Variants in NSMAF observed in about 807,000 individuals in gnomAD.
NSMAF encodes neutral sphingomyelinase activation associated factor, also known as protein FAN.
Under a neutral mutation model 134.9 loss-of-function variants are expected in NSMAF, and 90 were observed. The ratio of observed to expected loss-of-function variants is 0.67; its 90% confidence interval spans 0.56 to 0.79. NSMAF has a LOEUF of 0.79. Ranked by LOEUF, NSMAF falls within the 30% of genes least tolerant of loss-of-function variation. The pLI is 0.00. For synonymous variants in NSMAF, 358 were observed against 389.6 expected (o/e 0.92, Z 0.96); for missense variants, 1,010 against 1,119.0 (o/e 0.90, Z 1.39).
chr8:58,586,019 C>G lies in NSMAF; in HGVS notation c.2447-19G>C. On this transcript the variant is annotated intron_variant, in intron 28 of 30. Coordinates refer to ENST00000038176, the MANE Select transcript of NSMAF (RefSeq NM_003580.4). ...CGACTATCTGCAACACAAGGTGAGACTCAGATATGAGTGACAGCTTCAGAA... is the reference window on the plus strand; with the variant it reads ...CGACTATCTGCAACACAAGGTGAGAGTCAGATATGAGTGACAGCTTCAGAA... 6.4e-7 allele frequency: 1 copy of G among 1,568,998 alleles called. No individual in the cohort carries two copies. The highest frequency in any genetic ancestry group is 8.8e-7 in the Non-Finnish European group (1 of 1,139,288).
intron 2 of NSMAF, among the ~76,000 whole-genome samples, chr8:58,639,355 C>A (rs180833723): frequency 6.3e-4 from 96 of 151,850 alleles, no homozygotes; most frequent in Middle Eastern, 3.4e-3. Flanking sequence ...ATGAAAAGAT[C>A]CTCAGCAGCC....
chr8:58,587,218 C>A (rs1001012308), intron 27 of NSMAF, among the ~76,000 whole-genome samples: 1 of 152,200 alleles, frequency 6.6e-6, no homozygotes, highest in Non-Finnish European at 1.5e-5. Flanking sequence ...TGGTCACTGT[C>A]CCCCACTGTT....
chr8:58,641,257 A>G (rs1443165883), intron 2 of NSMAF, among the ~76,000 whole-genome samples: 1 of 152,208 alleles, frequency 6.6e-6, no homozygotes, highest in Admixed American at 6.5e-5. Flanking sequence ...TATATTAAAA[A>G]TCTACAAAAG....
intron 2 of NSMAF, among the ~76,000 whole-genome samples, chr8:58,636,871 C>A (rs1807184630): frequency 1.3e-5 from 2 of 152,148 alleles, no homozygotes; most frequent in African/African-American, 4.8e-5. Context: ...AAAAGAACAA[C>A]TTTACTTATC....
At chr8:58,589,830 T>C (rs768377473) in intron 25 of NSMAF, 177 bp downstream of exon 25, 14 of 592,566 alleles carry the variant, frequency 2.4e-5, no homozygotes, top group Non-Finnish European at 3.6e-5. Context: ...GGAGAAATTA[T>C]TCAATCTAAG....
At chr8:58,585,317 G>GTTTTTTTTTTTTTTTT (rs571525208) in intron 30 of NSMAF, among the ~76,000 whole-genome samples, 1 of 144,324 alleles carries the variant, frequency 6.9e-6, no homozygotes, top group Admixed American at 6.9e-5. Context: ...TTGTTTCTGG[G>GTTTTTTTTTTTTTTTT]TTTTTTTTTT....
chr8:58,593,210 G>A (rs1347354084), intron 23 of NSMAF, among the ~76,000 whole-genome samples: 2 of 152,214 alleles, frequency 1.3e-5, no homozygotes, highest in Admixed American at 6.5e-5. Flanking sequence ...AAGTGCCTCG[G>A]TGACCCTGGC....
chr8:58,627,324 T>C lies in NSMAF; in HGVS notation c.385-3544A>G, dbSNP rs150120245. Among the ~76,000 whole-genome samples, 529 of 152,260 alleles carry C rather than the reference T, an allele frequency of 3.5e-3. 2 individuals are homozygous for C. The highest frequency in any genetic ancestry group is 6.1e-3 in the Non-Finnish European group (415 of 68,014). On this transcript the variant is annotated intron_variant, in intron 6 of 30. Coordinates refer to ENST00000038176, the MANE Select transcript of NSMAF (RefSeq NM_003580.4). ...TGGAACAAGACAAGGTTACCCACTT[T>C]CACCACTTCTATTCAACATAGTAAT...
intron 13 of NSMAF, among the ~76,000 whole-genome samples, chr8:58,602,714 T>A (rs1007548046): frequency 6.6e-6 from 1 of 152,190 alleles, no homozygotes; most frequent in African/African-American, 2.4e-5. Flanking sequence ...CTTAAAATAA[T>A]CTGTGGTAGC....
chr8:58,605,027 G>A (rs1490658122), intron 12 of NSMAF, among the ~76,000 whole-genome samples: 2 of 152,164 alleles, frequency 1.3e-5, no homozygotes, highest in Non-Finnish European at 2.9e-5. Flanking sequence ...TTACAGTCAT[G>A]AGCCACCATG....
rs766521382 is a variant in NSMAF at position 58,597,592 on chromosome 8, C to T, written c.1629-42G>A. The T allele has an allele frequency of 4.4e-6, 7 of 1,594,962 alleles. No homozygotes were observed. In the East Asian group the frequency reaches 8.9e-5, roughly 20 times the overall value. On this transcript the variant is annotated intron_variant, in intron 20 of 30. Transcript: ENST00000038176. ...AAATAATGCAGTGAACCACTAGGTTCGAGTTCCTTGAAAGCACGCATTTCA... is the reference window on the plus strand; with the variant it reads ...AAATAATGCAGTGAACCACTAGGTTTGAGTTCCTTGAAAGCACGCATTTCA...
At chr8:58,600,786 A>G (rs1806262375) in intron 16 of NSMAF, among the ~76,000 whole-genome samples, 1 of 152,054 alleles carries the variant, frequency 6.6e-6, no homozygotes. Flanking sequence ...AAGTAAACTT[A>G]TTTCCTTTTT....
chr8:58,654,984 GC>G (rs1355067970), intron 1 of NSMAF, among the ~76,000 whole-genome samples: 1 of 151,952 alleles, frequency 6.6e-6, no homozygotes, highest in Admixed American at 6.6e-5. Flanking sequence ...ACAGGTGTGT[GC>G]CACCACACCC....
At chr8:58,585,856 T>A (rs1431740822) in intron 29 of NSMAF, 42 bp downstream of exon 29, 1 of 1,581,596 alleles carries the variant, frequency 6.3e-7, no homozygotes, top group Non-Finnish European at 8.7e-7. Context: ...ATCATGAACA[T>A]GTCTGTAAAT....
intron 8 of NSMAF, 29 bp downstream of exon 8, chr8:58,623,348 C>CT: frequency 6.2e-7 from 1 of 1,611,748 alleles, no homozygotes; most frequent in Non-Finnish European, 8.5e-7. Context: ...AATTGACAAT[C>CT]AAAGACAGAC....
intron 5 of NSMAF, among the ~76,000 whole-genome samples, chr8:58,632,242 A>T (rs1258229873): frequency 6.6e-6 from 1 of 152,004 alleles, no homozygotes; most frequent in Non-Finnish European, 1.5e-5. Flanking sequence ...CCCCACAAAC[A>T]TACTTCCCCT....
rs577958647 is a variant in NSMAF, at chr8:58,590,166, T to C, written c.2020-92A>G. The C allele has an allele frequency of 1.6e-5, 17 of 1,093,584 alleles. No homozygotes were observed. The East Asian group carries it at 4.0e-4, about 26-fold the overall frequency. 67.7% of individuals were successfully genotyped at this position (1,093,584 alleles called of 1,614,324 possible). A position where few individuals can be genotyped will look rare whatever the true frequency, so the allele number is the denominator to read the frequency against. On this transcript the variant is annotated intron_variant, in intron 24 of 30. Coordinates refer to ENST00000038176, the MANE Select transcript of NSMAF (RefSeq NM_003580.4). ...ATCTTATACATTTCCGAAAAATTAA[T>C]GCTCAAATCGTCTTTATGTGGCTCT...
At chr8:58,633,513 C>T (rs1007507919) in intron 5 of NSMAF, among the ~76,000 whole-genome samples, 1 of 152,188 alleles carries the variant, frequency 6.6e-6, no homozygotes, top group Non-Finnish European at 1.5e-5. Flanking sequence ...GCATTTGTTA[C>T]CACCTGACAT....
chr8:58,631,579 TAACCAA>T (rs1807059534), intron 5 of NSMAF, 33 bp from the exon 6 acceptor site: 3 of 1,235,576 alleles, frequency 2.4e-6, no homozygotes, highest in Non-Finnish European at 3.4e-6. Flanking sequence ...TGTAAAATAA[TAACCAA>T]AATGTTTCAT....
Sources: gnomAD v4.1 joint callset for allele counts (sites outside exome capture counted in the v4.1 genomes callset) on GRCh38, gnomAD v4.1.1 for gene constraint, MANE v1.5 for transcripts, NCBI Gene and HGNC (gene_info 2026-07-23, HGNC 2026-07-21) for gene names.